Variants in CFAP299 observed in about 807,000 individuals in gnomAD.
CFAP299 encodes cilia- and flagella-associated protein 299.
In CFAP299, 21 loss-of-function variants were observed where a neutral mutation model predicts 27.0. The observed-to-expected ratio is 0.78, with a 90% CI of 0.55 to 1.12. The LOEUF (loss-of-function observed/expected upper bound fraction) is 1.12, where lower values mean the gene tolerates loss of function less well. Ranked by LOEUF, CFAP299 falls within the 50% of genes most tolerant of loss-of-function variation. The pLI, the probability that CFAP299 is intolerant of heterozygous loss-of-function variation, is 0.00. For synonymous variants in CFAP299, 104 were observed against 98.1 expected (o/e 1.06, Z -0.36); for missense variants, 310 against 276.6 (o/e 1.12, Z -0.86).
chr4:80,607,490 T>C (rs1324046648), intron 3 of CFAP299, among the ~76,000 whole-genome samples: 5 of 150,588 alleles, frequency 3.3e-5, no homozygotes, highest in Admixed American at 3.3e-4. Flanking sequence ...GAACAAGGAA[T>C]GGAGAAGGGA....
At chr4:80,568,807 G>A (rs1470660134) in intron 2 of CFAP299, among the ~76,000 whole-genome samples, 6 of 152,064 alleles carry the variant, frequency 3.9e-5, no homozygotes, top group African/African-American at 7.2e-5. Flanking sequence ...CTTTTAGACT[G>A]AGGGTTGAGG....
intron 4 of CFAP299, among the ~76,000 whole-genome samples, chr4:80,934,929 GC>G (rs1736813934): frequency 1.3e-5 from 2 of 151,610 alleles, no homozygotes; most frequent in East Asian, 3.9e-4. Context: ...TCTGAGTTTA[GC>G]TTTTTGTTTT....
rs185563809 is a variant in CFAP299 at position 80,638,541 on chromosome 4, A to G, written c.333+55358A>G. ...AGAAACACTAGAGCAGGCCTATTCA[A>G]TGACTTAAAACACGGAGTCCAACAC... is the stretch of plus-strand genomic sequence containing the variant. On this transcript the variant is annotated intron_variant, in intron 3 of 5. Transcript: ENST00000358105. Among the ~76,000 whole-genome samples, 131 of 152,288 alleles carry G rather than the reference A, an allele frequency of 8.6e-4. No homozygotes were observed. The East Asian group carries it at 0.019, about 22-fold the overall frequency.
intron 3 of CFAP299, among the ~76,000 whole-genome samples, chr4:80,617,150 AG>A (rs1738332571): frequency 6.6e-6 from 1 of 152,212 alleles, no homozygotes; most frequent in Admixed American, 6.5e-5. Flanking sequence ...TCATCATTAA[AG>A]GAATGGTAAT....
intron 3 of CFAP299, among the ~76,000 whole-genome samples, chr4:80,849,866 C>T (rs1400137233): frequency 6.6e-6 from 1 of 151,990 alleles, no homozygotes; most frequent in Non-Finnish European, 1.5e-5. Context: ...GTAGAAGATT[C>T]TGAATAATCT....
At chr4:80,639,905 C>G (rs1264629682) in intron 3 of CFAP299, 1 of 152,258 alleles carries the variant, frequency 6.6e-6, no homozygotes, top group Non-Finnish European at 1.5e-5. Context: ...CTCTTGACCT[C>G]AGATGATCCA....
intron 4 of CFAP299, among the ~76,000 whole-genome samples, chr4:80,937,976 T>C (rs1015175474): frequency 7.9e-5 from 12 of 152,298 alleles, no homozygotes; most frequent in African/African-American, 2.6e-4. Context: ...TTTAAACTTA[T>C]AAAAACTTAA....
intron 3 of CFAP299, chr4:80,649,011 G>A (rs949351599): frequency 6.6e-6 from 1 of 152,130 alleles, no homozygotes; most frequent in East Asian, 1.9e-4. Flanking sequence ...TCACTAAGAA[G>A]ATAAGGGAGA....
intron 3 of CFAP299, among the ~76,000 whole-genome samples, chr4:80,637,605 A>T (rs116728998): frequency 0.018 from 2,765 of 152,266 alleles, 46 homozygotes; most frequent in Non-Finnish European, 0.028. Context: ...GCTCTCCACC[A>T]GCCAAACTCG....
Position 80,583,119 on chromosome 4 carries a change from T to C in CFAP299, c.269T>C (p.Leu90Pro). The change falls in exon 3 of 6, where the codon CTA (leucine) becomes CCA (proline). Residue 90 changes from leucine to proline, a missense_variant. Transcript: ENST00000358105. Reference sequence around the variant, plus strand: ...ACGCTAACAAGTGCTGGTAAAGACCTACAAGATAATTTTCTGACGGCCCTG... The same window carrying C: ...ACGCTAACAAGTGCTGGTAAAGACCCACAAGATAATTTTCTGACGGCCCTG... The part of the protein sequence containing the change: ...QKTLTSAGKD[L>P]QDNFLTALAM... 1 of 1,605,246 alleles carries C rather than the reference T, an allele frequency of 6.2e-7. No homozygotes were observed.
intron 2 of CFAP299, among the ~76,000 whole-genome samples, chr4:80,483,986 T>A (rs538177379): frequency 6.6e-6 from 1 of 152,282 alleles, no homozygotes; most frequent in South Asian, 2.1e-4. Flanking sequence ...TTGAATGAAT[T>A]CTTAATGCAA....
intron 3 of CFAP299, among the ~76,000 whole-genome samples, chr4:80,792,766 G>T (rs1424092764): frequency 6.6e-6 from 1 of 152,048 alleles, no homozygotes; most frequent in East Asian, 1.9e-4. Context: ...TTTAAATTTT[G>T]CAGAATCAAC....
chr4:80,815,877 G>C lies in CFAP299; in HGVS notation c.334-54116G>C, dbSNP rs892970036. On this transcript the variant is annotated intron_variant, in intron 3 of 5. Coordinates refer to ENST00000358105, the MANE Select transcript of CFAP299 (RefSeq NM_152770.3). ...TTTAATGATGTTTCTCTCTAGGATAGGAATTGAACTAGGGTTGTTATAGAA... is the reference window on the plus strand; with the variant it reads ...TTTAATGATGTTTCTCTCTAGGATACGAATTGAACTAGGGTTGTTATAGAA... Among the ~76,000 whole-genome samples the C allele has an allele frequency of 2.6e-5, 4 of 151,850 alleles. No individual in the cohort carries two copies. In the South Asian group the frequency reaches 8.3e-4, roughly 32 times the overall value.
intron 3 of CFAP299, among the ~76,000 whole-genome samples, chr4:80,859,066 A>C (rs1732131830): frequency 6.6e-6 from 1 of 152,186 alleles, no homozygotes; most frequent in South Asian, 2.1e-4. Context: ...TAGGTCACTC[A>C]GGAGTTGCTT....
intron 3 of CFAP299, among the ~76,000 whole-genome samples, chr4:80,637,243 C>T (rs1739496733): frequency 6.6e-6 from 1 of 151,904 alleles, no homozygotes; most frequent in African/African-American, 2.4e-5. Context: ...AAATTGTATG[C>T]CAACAAAATA....
At chr4:80,609,177 T>C (rs564794634) in intron 3 of CFAP299, among the ~76,000 whole-genome samples, 2 of 152,164 alleles carry the variant, frequency 1.3e-5, no homozygotes, top group East Asian at 3.9e-4. Context: ...TGTAAAATGC[T>C]TTAAAAAAAT....
intron 2 of CFAP299, among the ~76,000 whole-genome samples, chr4:80,377,067 C>A (rs1724450519): frequency 6.6e-6 from 1 of 151,938 alleles, no homozygotes; most frequent in Admixed American, 6.6e-5. Flanking sequence ...TGTACCTTGT[C>A]TTTTTATTTC....
At chr4:80,383,145 A>C (rs1724796629) in intron 2 of CFAP299, among the ~76,000 whole-genome samples, 1 of 152,120 alleles carries the variant, frequency 6.6e-6, no homozygotes, top group Non-Finnish European at 1.5e-5. Context: ...ACACACTGAC[A>C]CAAAGAGGGG....
At chr4:80,594,659 A>G (rs1180956148) in intron 3 of CFAP299, among the ~76,000 whole-genome samples, 5 of 152,106 alleles carry the variant, frequency 3.3e-5, no homozygotes, top group Admixed American at 2.6e-4. Context: ...TGAGAAAACT[A>G]GAACTGTTGT....
Sources: allele counts gnomAD v4.1 joint callset (sites outside exome capture counted in the v4.1 genomes callset), GRCh38; gene constraint gnomAD v4.1.1; transcripts MANE v1.5; gene names NCBI Gene and HGNC (gene_info 2026-07-23, HGNC 2026-07-21).